The following EXOC4 variants were observed in gnomAD, a reference collection of about 807,000 sequenced individuals.
EXOC4 encodes SEC8-like 1.
Under a neutral mutation model 107.2 loss-of-function variants are expected in EXOC4, and 71 were observed. The observed-to-expected ratio is 0.66, with a 90% CI of 0.55 to 0.81. EXOC4 has a LOEUF of 0.81. EXOC4 is among the 30% of genes least tolerant of loss of function. The probability of loss-of-function intolerance (pLI) is 0.00; values close to 1 mark genes in which losing one functional copy is unlikely to be tolerated. For missense variants in EXOC4, 1,108 were observed against 1,189.6 expected (o/e 0.93, Z 1.01); for synonymous variants, 456 against 441.2 (o/e 1.03, Z -0.42).
intron 15 of EXOC4, among the ~76,000 whole-genome samples, chr7:134,001,386 A>C (rs993135305): frequency 6.6e-6 from 1 of 152,220 alleles, no homozygotes; most frequent in Non-Finnish European, 1.5e-5. Flanking sequence ...TCAAAGTCAT[A>C]GTAAGGTCAG....
chr7:133,693,222 G>T (rs1008190682), intron 10 of EXOC4, among the ~76,000 whole-genome samples: 1 of 152,206 alleles, frequency 6.6e-6, no homozygotes, highest in Non-Finnish European at 1.5e-5. Context: ...CCAAAGGTCC[G>T]ATAGCCCCTG....
At chr7:133,566,931 A>G (rs931668794) in intron 9 of EXOC4, among the ~76,000 whole-genome samples, 5 of 152,202 alleles carry the variant, frequency 3.3e-5, no homozygotes, top group Non-Finnish European at 7.4e-5. Context: ...CTGGACACAT[A>G]AACAGAATCA....
At chr7:133,623,907 T>C (rs1332437555) in intron 9 of EXOC4, among the ~76,000 whole-genome samples, 2 of 152,170 alleles carry the variant, frequency 1.3e-5, no homozygotes, top group Non-Finnish European at 2.9e-5. Context: ...AAGCACTTAC[T>C]AAGGAATGTA....
At chr7:133,624,274 CT>C (rs1802401492) in intron 9 of EXOC4, among the ~76,000 whole-genome samples, 1 of 152,056 alleles carries the variant, frequency 6.6e-6, no homozygotes, top group Non-Finnish European at 1.5e-5. Flanking sequence ...ATTTCAACAT[CT>C]ATACATTTAA....
At chr7:133,399,657 G>A (rs1797046653) in intron 7 of EXOC4, among the ~76,000 whole-genome samples, 1 of 152,220 alleles carries the variant, frequency 6.6e-6, no homozygotes, top group African/African-American at 2.4e-5. Context: ...GTGTAGACAA[G>A]ATATACTGTT....
At chr7:133,752,351 A>G (rs1795812469) in intron 10 of EXOC4, among the ~76,000 whole-genome samples, 1 of 152,212 alleles carries the variant, frequency 6.6e-6, no homozygotes, top group African/African-American at 2.4e-5. Context: ...TGGACTTGCA[A>G]CTGCCTTTGC....
chr7:134,033,138 G>C (rs1795305130), intron 17 of EXOC4, among the ~76,000 whole-genome samples: 1 of 152,124 alleles, frequency 6.6e-6, no homozygotes, highest in South Asian at 2.1e-4. Flanking sequence ...TCTGGAATGT[G>C]CAACGAGGAC....
chr7:133,504,581 C>T (rs932017252), intron 9 of EXOC4, among the ~76,000 whole-genome samples: 2 of 151,882 alleles, frequency 1.3e-5, no homozygotes, highest in Admixed American at 6.6e-5. Context: ...CAGTTTATAT[C>T]GTGGTAGATG....
intron 11 of EXOC4, among the ~76,000 whole-genome samples, chr7:133,883,733 A>C (rs1231776730): frequency 6.6e-6 from 1 of 152,044 alleles, no homozygotes; most frequent in African/African-American, 2.4e-5. Context: ...TTTCTGTGGG[A>C]GGTAGAATTT....
intron 17 of EXOC4, among the ~76,000 whole-genome samples, chr7:134,034,741 G>A (rs1013058443): frequency 6.6e-6 from 1 of 152,150 alleles, no homozygotes; most frequent in Non-Finnish European, 1.5e-5. Context: ...CCTTATAGCA[G>A]TATGAAAACG....
chr7:133,659,499 A>G (rs1803387633), intron 10 of EXOC4, among the ~76,000 whole-genome samples: 1 of 152,062 alleles, frequency 6.6e-6, no homozygotes, highest in South Asian at 2.1e-4. Flanking sequence ...TTTTTTGGCA[A>G]AAGCAAATGT....
chr7:133,315,811 A>AT (rs1794978451), intron 4 of EXOC4, among the ~76,000 whole-genome samples: 1 of 152,138 alleles, frequency 6.6e-6, no homozygotes, highest in Non-Finnish European at 1.5e-5. Context: ...CCTGTGAGTG[A>AT]TTTTAACAAT....
chr7:133,606,517 AT>A (rs56086076), intron 9 of EXOC4, among the ~76,000 whole-genome samples: 1,766 of 136,874 alleles, frequency 0.013, 14 homozygotes, highest in Non-Finnish European at 0.018. Context: ...TATTATTATT[AT>A]TTTTTTTTTT....
At chr7:133,448,072 C>T (rs1295652667) in intron 7 of EXOC4, among the ~76,000 whole-genome samples, 1 of 152,124 alleles carries the variant, frequency 6.6e-6, no homozygotes, top group East Asian at 1.9e-4. Flanking sequence ...GGGTGTTCAA[C>T]TAAAATATTG....
chr7:133,322,739 T>A (rs1203277398), intron 5 of EXOC4, among the ~76,000 whole-genome samples: 2 of 152,242 alleles, frequency 1.3e-5, no homozygotes, highest in Non-Finnish European at 2.9e-5. Context: ...AAGTAGTTTT[T>A]TTCCAATTCT....
intron 9 of EXOC4, among the ~76,000 whole-genome samples, chr7:133,495,007 C>T (rs1449360242): frequency 6.6e-6 from 1 of 152,104 alleles, no homozygotes; most frequent in East Asian, 1.9e-4. Context: ...CATGGTGGCT[C>T]ACGCCTGTAA....
chr7:133,294,201 T>C (rs1794467883), intron 3 of EXOC4, among the ~76,000 whole-genome samples: 1 of 152,202 alleles, frequency 6.6e-6, no homozygotes, highest in South Asian at 2.1e-4. Context: ...AATATAAGAA[T>C]AGCAGCTTCT....
chr7:133,737,580 T>C (rs1795470256), intron 10 of EXOC4, among the ~76,000 whole-genome samples: 1 of 152,172 alleles, frequency 6.6e-6, no homozygotes, highest in South Asian at 2.1e-4. Context: ...TTCTAGTTGT[T>C]TGTATCTCAT....
chr7:133,604,313 AT>A (rs1364756939), intron 9 of EXOC4, among the ~76,000 whole-genome samples: 4 of 152,194 alleles, frequency 2.6e-5, no homozygotes, highest in African/African-American at 7.2e-5. Context: ...CATAAACCAT[AT>A]CATAGTCATT....
Sources: allele counts gnomAD v4.1 joint callset (sites outside exome capture counted in the v4.1 genomes callset), GRCh38; gene constraint gnomAD v4.1.1; transcripts MANE v1.5; gene names NCBI Gene and HGNC (gene_info 2026-07-23, HGNC 2026-07-21).